The following LDB2 variants were observed in gnomAD, a reference collection of about 807,000 sequenced individuals.
LDB2 encodes the protein LIM domain binding 2.
Under a neutral mutation model 44.3 loss-of-function variants are expected in LDB2, and 12 were observed. The observed-to-expected ratio is 0.27, with a 90% CI of 0.17 to 0.44. LDB2 has a LOEUF of 0.44. LDB2 is among the 20% of genes least tolerant of loss of function. The probability of loss-of-function intolerance (pLI) is 1.00; values close to 1 mark genes in which losing one functional copy is unlikely to be tolerated. For synonymous variants in LDB2, 164 were observed against 174.8 expected, an observed-to-expected ratio of 0.94 and a Z score of 0.49; for missense variants, 344 against 473.5, an observed-to-expected ratio of 0.73 and a Z score of 2.54.
In LDB2 at chr4:16,863,657, T is replaced by C. The variant is rs1018025775; in HGVS notation, c.132+34697A>G. ...CCTCCTCCACCAGACTCACATTCTC[T>C]TTTTTTTTTTTTTTTTTTTTTGAGA... is the stretch of plus-strand genomic sequence containing the variant. On this transcript the variant is annotated intron_variant, in intron 1 of 7. Transcript: ENST00000304523. Among the ~76,000 whole-genome samples, 3 of 28,982 alleles carry C rather than the reference T, an allele frequency of 1.0e-4. No individual in the cohort carries two copies. The South Asian group carries it at 3.5e-3, about 34-fold the overall frequency. 19.0% of individuals were successfully genotyped at this position (28,982 alleles called of 152,430 possible).
rs540292858 is a variant in LDB2 at position 16,737,799 on chromosome 4, T to G, written c.235+21359A>C. Reference sequence around the variant, plus strand: ...TGTTGAATGATTTGTCTCTGAACTATGCAATTATGGATAATTTTTACTATC... The same window carrying G: ...TGTTGAATGATTTGTCTCTGAACTAGGCAATTATGGATAATTTTTACTATC... On this transcript the variant is annotated intron_variant, in intron 2 of 7. Coordinates refer to ENST00000304523, the MANE Select transcript of LDB2 (RefSeq NM_001290.5). 5.3e-5 allele frequency among the ~76,000 whole-genome samples: 8 copies of G among 152,354 alleles called. No individual in the cohort carries two copies. In the South Asian group the frequency reaches 1.2e-3, roughly 24 times the overall value.
chr4:16,695,126 A>G (rs1751800601), intron 2 of LDB2, among the ~76,000 whole-genome samples: 1 of 152,240 alleles, frequency 6.6e-6, no homozygotes, highest in African/African-American at 2.4e-5. Context: ...GGCTTCAGCC[A>G]TTACTCAGTG....
chr4:16,609,161 C>T (rs1050351202), intron 2 of LDB2, among the ~76,000 whole-genome samples: 7 of 152,142 alleles, frequency 4.6e-5, no homozygotes, highest in African/African-American at 1.4e-4. Flanking sequence ...GGAACCACCT[C>T]CTCCCAGCCA....
chr4:16,522,276 T>TTGTGTGCG (rs1553878108), intron 5 of LDB2, among the ~76,000 whole-genome samples: 2 of 150,234 alleles, frequency 1.3e-5, no homozygotes, highest in African/African-American at 4.9e-5. Context: ...GTGTGTGTGT[T>TTGTGTGCG]TGTGTGTGTG....
chr4:16,663,949 C>T (rs1386391633), intron 2 of LDB2, among the ~76,000 whole-genome samples: 1 of 152,142 alleles, frequency 6.6e-6, no homozygotes, highest in Non-Finnish European at 1.5e-5. Flanking sequence ...CACATTAACA[C>T]AGACATTCTC....
chr4:16,633,100 C>T (rs369933038), intron 2 of LDB2, among the ~76,000 whole-genome samples: 13 of 152,036 alleles, frequency 8.6e-5, no homozygotes, highest in South Asian at 2.1e-4. Flanking sequence ...TGGAATACTA[C>T]GCAGCCATAA....
At chr4:16,553,367 G>A in intron 5 of LDB2, among the ~76,000 whole-genome samples, 1 of 151,776 alleles carries the variant, frequency 6.6e-6, no homozygotes, top group East Asian at 1.9e-4. Context: ...TTGCTATGTT[G>A]CCCAGGCTTG....
chr4:16,592,995 A>G (rs1000424655), intron 3 of LDB2, among the ~76,000 whole-genome samples: 1 of 152,232 alleles, frequency 6.6e-6, no homozygotes, highest in Admixed American at 6.5e-5. Context: ...GAAAGGCTTT[A>G]TAATGTGTGT....
intron 2 of LDB2, among the ~76,000 whole-genome samples, chr4:16,600,204 T>TA (rs1157558720): frequency 6.6e-6 from 1 of 152,206 alleles, no homozygotes; most frequent in African/African-American, 2.4e-5. Context: ...CAAATCTATT[T>TA]AGATTTTATA....
chr4:16,896,470 T>G (rs1039023873), intron 1 of LDB2, among the ~76,000 whole-genome samples: 1 of 152,120 alleles, frequency 6.6e-6, no homozygotes, highest in African/African-American at 2.4e-5. Context: ...AGCTCAGACC[T>G]GGCCAAGTGC....
intron 2 of LDB2, among the ~76,000 whole-genome samples, chr4:16,600,934 C>A (rs1487637181): frequency 6.6e-6 from 1 of 152,006 alleles, no homozygotes; most frequent in East Asian, 1.9e-4. Context: ...CTCCCCAAAG[C>A]AGAAGGTCTG....
In LDB2 at chr4:16,756,485, G is replaced by T. The variant is rs1210222500; in HGVS notation, c.235+2673C>A. Among the ~76,000 whole-genome samples the T allele has an allele frequency of 2.0e-5, 3 of 152,052 alleles. No homozygotes were observed. The East Asian group carries it at 5.8e-4, about 29-fold the overall frequency. On this transcript the variant is annotated intron_variant, in intron 2 of 7. Coordinates refer to ENST00000304523, the MANE Select transcript of LDB2 (RefSeq NM_001290.5). ...GAAAAAAAGATCAGATCGTAACCCAGAGTTTGTTTGAGTACGCCAGTGGAC... is the reference window on the plus strand; with the variant it reads ...GAAAAAAAGATCAGATCGTAACCCATAGTTTGTTTGAGTACGCCAGTGGAC...
At position 16,508,572 on chromosome 4, in the gene LDB2, G is replaced by T. The variant is rs771828844; in HGVS notation, c.854C>A (p.Thr285Asn). ...GGACAGACTCAGGTTTGCAGCTGTG[G>T]TCTTCTTCTTGCTGCCAGTGCTGTT... ...NANSTGSKKK[T>N]TAANLSLSSQ... is the part of the protein sequence containing the mutation. The change falls in exon 7 of 8, where the codon ACC (threonine) becomes AAC (asparagine). Residue 285 changes from threonine (T) to asparagine (N), a missense_variant. Thr to Asn is a moderately conservative substitution (Grantham distance 65, BLOSUM62 0). Around this residue, in one of 3 missense-constraint regions of LDB2, gnomAD observed 86 missense variants for 171.2 expected, o/e 0.50. Transcript: ENST00000304523. 6.2e-7 allele frequency: 1 copy of T among 1,609,036 alleles called. No individual in the cohort carries two copies. Among genetic ancestry groups the T allele is most frequent in the African/African-American group, 1.3e-5 (1 of 74,908 alleles).
chr4:16,860,127 G>A (rs530566430), intron 1 of LDB2, among the ~76,000 whole-genome samples: 2 of 152,260 alleles, frequency 1.3e-5, no homozygotes, highest in South Asian at 2.1e-4. Context: ...TCCTAACTAT[G>A]GATTTCTGCT....
chr4:16,815,236 C>T (rs1488776387), intron 1 of LDB2, among the ~76,000 whole-genome samples: 1 of 152,230 alleles, frequency 6.6e-6, no homozygotes, highest in Non-Finnish European at 1.5e-5. Flanking sequence ...TATAATAATA[C>T]TGTGTTGATC....
chr4:16,853,591 A>G (rs1788721960), intron 1 of LDB2, among the ~76,000 whole-genome samples: 1 of 152,230 alleles, frequency 6.6e-6, no homozygotes, highest in South Asian at 2.1e-4. Context: ...CATTAAACAT[A>G]GAACTAACAT....
intron 1 of LDB2, among the ~76,000 whole-genome samples, chr4:16,827,451 C>T (rs574832179): frequency 1.3e-5 from 2 of 151,834 alleles, no homozygotes; most frequent in Non-Finnish European, 2.9e-5. Flanking sequence ...AAAAACCAAA[C>T]CAAAACAAAA....
chr4:16,525,157 T>C (rs555306705), intron 5 of LDB2, among the ~76,000 whole-genome samples: 1 of 152,288 alleles, frequency 6.6e-6, no homozygotes, highest in South Asian at 2.1e-4. Flanking sequence ...CCCGCAAGAC[T>C]GTTAAAGACA....
At chr4:16,742,174 C>T (rs779667137) in intron 2 of LDB2, among the ~76,000 whole-genome samples, 2 of 149,760 alleles carry the variant, frequency 1.3e-5, no homozygotes, top group Non-Finnish European at 1.5e-5. Context: ...CGGGTTCAAG[C>T]GATTCTCCTG....
Sources: gnomAD v4.1 joint callset for allele counts (sites outside exome capture counted in the v4.1 genomes callset) on GRCh38, gnomAD v4.1.1 for gene constraint, gnomAD v4.1.1 regional missense constraint, MANE v1.5 for transcripts, NCBI Gene and HGNC (gene_info 2026-07-23, HGNC 2026-07-21) for gene names.